WNT7B: variants seen among roughly 807,000 people sequenced by gnomAD.
WNT7B encodes protein Wnt-7b.
A neutral mutation model predicts 38.2 loss-of-function variants in WNT7B; 19 were observed. That is an observed-to-expected ratio of 0.50 (90% CI 0.35 to 0.73). The LOEUF (loss-of-function observed/expected upper bound fraction) is 0.73. Ranked by LOEUF, WNT7B falls within the 30% of genes least tolerant of loss-of-function variation. The pLI is 0.01. For missense variants in WNT7B, 423 were observed against 507.9 expected (o/e 0.83, Z 1.61); for synonymous variants, 243 against 209.3 (o/e 1.16, Z -1.39).
rs891929375 is a variant in WNT7B at position 45,976,240 on chromosome 22, C to T, written c.71+444G>A. ...CTGCGCGCTCGCGGCCGGGTGCGCG[C>T]CCCCCGCCCTCCCGGGCCTCCGCAG... On this transcript the variant is annotated intron_variant, in intron 1 of 3. Coordinates refer to ENST00000339464, the MANE Select transcript of WNT7B (RefSeq NM_058238.3). This position sits in a 1 kb window ranked among gnomAD's most constrained non-coding sequence, Gnocchi z 8.5. Among the ~76,000 whole-genome samples, 4 of 146,444 alleles carry T rather than the reference C, an allele frequency of 2.7e-5. No homozygotes were observed. Among genetic ancestry groups the T allele is most frequent in the Admixed American group, 2.0e-4 (3 of 14,762 alleles).
At chr22:45,938,004 G>T (rs112194204) in intron 2 of WNT7B, among the ~76,000 whole-genome samples, 5 of 151,262 alleles carry the variant, frequency 3.3e-5, no homozygotes, top group Non-Finnish European at 7.4e-5. Flanking sequence ...GCGAGACTCC[G>T]TCTAAAAAAA....
At chr22:45,933,032 C>T (rs1931416460) in intron 2 of WNT7B, among the ~76,000 whole-genome samples, 1 of 152,218 alleles carries the variant, frequency 6.6e-6, no homozygotes, top group South Asian at 2.1e-4. Context: ...TGCTCTGGGG[C>T]CACTTCCTTG....
chr22:45,923,434 C>G, intron 3 of WNT7B, 99 bp from the exon 4 acceptor site: 5 of 1,474,932 alleles, frequency 3.4e-6, no homozygotes, highest in Non-Finnish European at 4.5e-6. Context: ...GAGCCCGCTC[C>G]TCCCCTTGGG....
At chr22:45,950,865 G>A (rs1931916395) in intron 1 of WNT7B, among the ~76,000 whole-genome samples, 1 of 152,258 alleles carries the variant, frequency 6.6e-6, no homozygotes, top group South Asian at 2.1e-4. Context: ...CGCAGAGGAA[G>A]AAATTAGGCC....
chr22:45,934,121 T>C (rs915763974), intron 2 of WNT7B, among the ~76,000 whole-genome samples: 2 of 152,118 alleles, frequency 1.3e-5, no homozygotes, highest in African/African-American at 4.8e-5. Context: ...TGATTCCCGG[T>C]TTACAGAGGA....
chr22:45,926,019 C>G, intron 3 of WNT7B: 2 of 985,446 alleles, frequency 2.0e-6, no homozygotes, highest in Non-Finnish European at 2.4e-6. Flanking sequence ...GGCCAGGGAA[C>G]CCAGCTGCAT....
chr22:45,953,912 A>G (rs896558116), intron 1 of WNT7B, among the ~76,000 whole-genome samples: 4 of 152,190 alleles, frequency 2.6e-5, no homozygotes, highest in Admixed American at 2.0e-4. Flanking sequence ...CTTGGCATAG[A>G]TTCAAATGAA....
At position 45,926,777 on chromosome 22, in the gene WNT7B, A is replaced by G. The variant is rs1261520056; in HGVS notation, c.571-3442T>C. The G allele has an allele frequency of 5.1e-6, 5 of 985,284 alleles. No individual in the cohort carries two copies. In the African/African-American group the frequency reaches 5.2e-5, roughly 10 times the overall value. The allele number at this position is 985,284 out of a possible 1,614,324, so 61.0% of individuals were successfully genotyped here. A position where few individuals can be genotyped will look rare whatever the true frequency, so the allele number is the denominator to read the frequency against. ...CTTCACCCTCTGACCACGAGCCCAC[A>G]GAGTGGACTGAATGTGGCCTCGAGT... On this transcript the variant is annotated intron_variant, in intron 3 of 3. Transcript: ENST00000339464.
At chr22:45,959,669 G>T (rs1932151317) in intron 1 of WNT7B, among the ~76,000 whole-genome samples, 1 of 152,086 alleles carries the variant, frequency 6.6e-6, no homozygotes, top group Non-Finnish European at 1.5e-5. Flanking sequence ...CCCCACAGCA[G>T]CAGAGACTCC....
chr22:45,975,546 TG>T lies in WNT7B; in HGVS notation c.71+1137del. 1.4e-6 allele frequency: 1 copy of T among 716,854 alleles called. No homozygotes were observed. Among genetic ancestry groups the T allele is most frequent in the Non-Finnish European group, 2.6e-6 (1 of 384,722 alleles). 44.4% of individuals were successfully genotyped at this position (716,854 alleles called of 1,614,324 possible). On this transcript the variant is annotated intron_variant, in intron 1 of 3. Transcript: ENST00000339464. This position sits in a 1 kb window ranked among gnomAD's most constrained non-coding sequence, Gnocchi z 6.6. ...GGCCTTGGGCCTCAGTTTCTCCACCTGTAAAATGGCGGGGCAGACATGGGAT... is the reference window on the plus strand; with the variant it reads ...GGCCTTGGGCCTCAGTTTCTCCACCTTAAAATGGCGGGGCAGACATGGGAT...
intron 3 of WNT7B, among the ~76,000 whole-genome samples, chr22:45,924,362 A>G (rs1290545243): frequency 6.6e-6 from 1 of 152,242 alleles, no homozygotes; most frequent in African/African-American, 2.4e-5. Flanking sequence ...CCCCACAGAG[A>G]TGGCTACTGC....
Position 45,923,057 on chromosome 22 carries a change from G to A in WNT7B, c.849C>T (p.Ala283=). 6.2e-7 allele frequency: 1 copy of A among 1,613,002 alleles called. No individual in the cohort carries two copies. Among genetic ancestry groups the A allele is most frequent in the African/African-American group, 1.3e-5 (1 of 75,064 alleles). ...GGCCCTGCGTGCCCACGCTGCCCGT[G>A]GCCGCGTCCTCCTCGCAGTAGTTGG... ...KSPNYCEEDA[A]TGSVGTQGRL... Residue 283 remains alanine (A), a synonymous_variant, in exon 4 of 4, where the codon GCC becomes GCT. Transcript: ENST00000339464.
At position 45,969,751 on chromosome 22, in the gene WNT7B, A is replaced by G. The variant is rs138639842; in HGVS notation, c.71+6933T>C. Among the ~76,000 whole-genome samples, 538 of 152,318 alleles carry G rather than the reference A, an allele frequency of 3.5e-3. 6 individuals are homozygous for G. The highest frequency in any genetic ancestry group is 0.012 in the African/African-American group (511 of 41,564). On this transcript the variant is annotated intron_variant, in intron 1 of 3. Transcript: ENST00000339464. ...GAGCAGTCCAGATGAAAGGGGGAGGATCAGCTGTCAGCCAGCGTCTGGGAT... is the reference window on the plus strand; with the variant it reads ...GAGCAGTCCAGATGAAAGGGGGAGGGTCAGCTGTCAGCCAGCGTCTGGGAT...
chr22:45,954,893 G>T, intron 1 of WNT7B: 5 of 434,580 alleles, frequency 1.2e-5, no homozygotes, highest in Non-Finnish European at 1.5e-5. Flanking sequence ...CATTTTGCAG[G>T]TGTGCAGATT....
chr22:45,954,777 A>G, intron 1 of WNT7B: 1 of 985,332 alleles, frequency 1.0e-6, no homozygotes, highest in South Asian at 4.7e-5. Context: ...TCCCACTAAA[A>G]ATACCAAGTG....
rs974429518 is a variant in WNT7B, at chr22:45,970,987, G to A, written c.71+5697C>T. Among the ~76,000 whole-genome samples, 5 of 152,376 alleles carry A rather than the reference G, an allele frequency of 3.3e-5. No homozygotes were observed. In the South Asian group the frequency reaches 8.3e-4, roughly 25 times the overall value. On this transcript the variant is annotated intron_variant, in intron 1 of 3. Transcript: ENST00000339464. ...CACAGCCCGGGAAACCGCGGGCCTC[G>A]CAGCATCTGGCTGCGGTTGCGAACT... is the stretch of plus-strand genomic sequence containing the variant.
chr22:45,971,859 G>A (rs572823893), intron 1 of WNT7B, among the ~76,000 whole-genome samples: 1 of 152,290 alleles, frequency 6.6e-6, no homozygotes, highest in South Asian at 2.1e-4. Flanking sequence ...CGTGCCCGCG[G>A]GCCCTCGCGC....
At chr22:45,963,700 T>C (rs943417686) in intron 1 of WNT7B, among the ~76,000 whole-genome samples, 4 of 151,922 alleles carry the variant, frequency 2.6e-5, no homozygotes, top group African/African-American at 9.7e-5. Context: ...GCCACAGGAA[T>C]CTCCACCGTG....
intron 2 of WNT7B, among the ~76,000 whole-genome samples, chr22:45,936,828 G>A (rs1931525567): frequency 6.6e-6 from 1 of 152,232 alleles, no homozygotes; most frequent in Non-Finnish European, 1.5e-5. Flanking sequence ...GCAGATGTGT[G>A]TCCTGAACAA....
Sources: allele counts gnomAD v4.1 joint callset (sites outside exome capture counted in the v4.1 genomes callset), GRCh38; gene constraint gnomAD v4.1.1; non-coding constraint Gnocchi (gnomAD v3.1); transcripts MANE v1.5; gene names NCBI Gene and HGNC (gene_info 2026-07-23, HGNC 2026-07-21).